The following NPAS3 variants were observed in gnomAD, a reference collection of about 807,000 sequenced individuals.
The protein encoded by NPAS3 is neuronal PAS domain-containing protein 3.
Under a neutral mutation model 73.1 loss-of-function variants are expected in NPAS3, and 14 were observed. The observed-to-expected ratio is 0.19, with a 90% CI of 0.13 to 0.30. The LOEUF is 0.30. Among genes scored for constraint, NPAS3 ranks in the 10% least tolerant of loss-of-function variants. The pLI is 1.00. For missense variants in NPAS3, 1,096 were observed against 1,250.0 expected (o/e 0.88, Z 1.86); for synonymous variants, 620 against 541.5 (o/e 1.14, Z -2.01).
chr14:33,373,890 G>T (rs752608281), intron 4 of NPAS3, among the ~76,000 whole-genome samples: 1 of 152,140 alleles, frequency 6.6e-6, no homozygotes, highest in African/African-American at 2.4e-5. Flanking sequence ...CTCTGACTGG[G>T]AGTGGATCAG....
chr14:33,063,156 AC>A (rs2138589672), intron 2 of NPAS3, among the ~76,000 whole-genome samples: 1 of 152,294 alleles, frequency 6.6e-6, no homozygotes, highest in African/African-American at 2.4e-5. Context: ...GCAAAACAAT[AC>A]CTCAGAGGTT....
chr14:33,114,251 G>A (rs939787417), intron 2 of NPAS3, among the ~76,000 whole-genome samples: 7 of 152,060 alleles, frequency 4.6e-5, no homozygotes, highest in African/African-American at 1.7e-4. Flanking sequence ...GGCCAGGTTG[G>A]TGTCAAACTC....
chr14:33,543,786 G>A (rs2054625326), intron 4 of NPAS3, among the ~76,000 whole-genome samples: 1 of 151,926 alleles, frequency 6.6e-6, no homozygotes, highest in African/African-American at 2.4e-5. Flanking sequence ...CAAACCTACA[G>A]GGGAGTGAGT....
intron 3 of NPAS3, among the ~76,000 whole-genome samples, chr14:33,299,790 G>C (rs1239925043): frequency 6.6e-6 from 1 of 151,878 alleles, no homozygotes; most frequent in Non-Finnish European, 1.5e-5. Context: ...ATAACATTAA[G>C]GTTTAGAAAA....
At chr14:33,244,138 T>TAAA (rs75629405) in intron 3 of NPAS3, among the ~76,000 whole-genome samples, 1 of 142,426 alleles carries the variant, frequency 7.0e-6, no homozygotes, top group Non-Finnish European at 1.5e-5. Flanking sequence ...CTACATTTGT[T>TAAA]AAAAAAAAAA....
Position 32,964,841 on chromosome 14 carries a change from G to T in NPAS3, c.50+25475G>T, listed in dbSNP as rs570781957. On this transcript the variant is annotated intron_variant, in intron 1 of 11. Coordinates refer to ENST00000356141, the Ensembl canonical transcript of NPAS3. ...AAAAAAAAAGAAGAAGATTAGCTCGGTGTGGTGGTGCTAAGCAACTAGGGA... is the reference window on the plus strand; with the variant it reads ...AAAAAAAAAGAAGAAGATTAGCTCGTTGTGGTGGTGCTAAGCAACTAGGGA... Among the ~76,000 whole-genome samples the T allele has an allele frequency of 4.6e-3, 707 of 152,056 alleles. 5 individuals are homozygous for T. Among genetic ancestry groups the T allele is most frequent in the Non-Finnish European group, 8.4e-3 (572 of 67,974 alleles).
At chr14:32,938,453 GAGAA>G (rs1439336034), upstream of NPAS3, among the ~76,000 whole-genome samples, 2 of 113,094 alleles carry the variant, frequency 1.8e-5, no homozygotes, top group Admixed American at 8.8e-5. Flanking sequence ...GTCCCCCAAC[GAGAA>G]AGAGAGAGAG....
chr14:33,473,149 G>A (rs140944457), intron 4 of NPAS3, among the ~76,000 whole-genome samples: 126 of 152,280 alleles, frequency 8.3e-4, no homozygotes, highest in African/African-American at 3.0e-3. Flanking sequence ...AAGGAGAACC[G>A]GGAGGTTGGC....
chr14:33,277,271 T>A (rs1399630526), intron 3 of NPAS3, among the ~76,000 whole-genome samples: 1 of 152,158 alleles, frequency 6.6e-6, no homozygotes, highest in African/African-American at 2.4e-5. Flanking sequence ...TACATGGGTG[T>A]TGACAAGCAA....
At chr14:33,613,909 C>A (rs2057833031) in intron 5 of NPAS3, among the ~76,000 whole-genome samples, 1 of 152,118 alleles carries the variant, frequency 6.6e-6, no homozygotes. Context: ...GGGTAATTAC[C>A]TGTGTGCTTC....
chr14:32,946,348 G>GCACACACACACA (rs3057257), intron 1 of NPAS3, among the ~76,000 whole-genome samples: 1,593 of 139,370 alleles, frequency 0.011, 10 homozygotes, highest in Non-Finnish European at 0.015. Context: ...ACACACACGC[G>GCACACACACACA]CACACACACA....
chr14:33,419,184 C>T (rs1170452907), intron 4 of NPAS3, among the ~76,000 whole-genome samples: 2 of 151,698 alleles, frequency 1.3e-5, no homozygotes, highest in African/African-American at 4.8e-5. Context: ...CATCAAGGAA[C>T]AGCATCTAGG....
chr14:33,014,631 A>T (rs1442607056), intron 1 of NPAS3, among the ~76,000 whole-genome samples: 1 of 152,196 alleles, frequency 6.6e-6, no homozygotes, highest in African/African-American at 2.4e-5. Flanking sequence ...TAGTAAATAA[A>T]TTTGTTGAAC....
intron 1 of NPAS3, among the ~76,000 whole-genome samples, chr14:32,942,949 A>G (rs1183571453): frequency 2.0e-5 from 3 of 152,232 alleles, no homozygotes; most frequent in Admixed American, 1.3e-4. Context: ...TGGGCATATC[A>G]TGATCCACCA....
At chr14:33,012,921 A>G (rs1398996660) in intron 1 of NPAS3, among the ~76,000 whole-genome samples, 1 of 152,198 alleles carries the variant, frequency 6.6e-6, no homozygotes, top group African/African-American at 2.4e-5. Context: ...TTCACTGTCC[A>G]GATTTGTTGA....
chr14:33,441,105 T>C (rs1362135494), intron 4 of NPAS3, among the ~76,000 whole-genome samples: 1 of 152,222 alleles, frequency 6.6e-6, no homozygotes, highest in South Asian at 2.1e-4. Flanking sequence ...GTAACTTCAA[T>C]GTGCACCAGA....
At chr14:33,645,539 AT>A (rs1425751785) in intron 5 of NPAS3, among the ~76,000 whole-genome samples, 1 of 152,220 alleles carries the variant, frequency 6.6e-6, no homozygotes, top group Non-Finnish European at 1.5e-5. Flanking sequence ...AAATAGACAG[AT>A]TAAGTATCTG....
At chr14:33,492,191 A>G (rs1022519410) in intron 4 of NPAS3, among the ~76,000 whole-genome samples, 1 of 152,178 alleles carries the variant, frequency 6.6e-6, no homozygotes, top group South Asian at 2.1e-4. Flanking sequence ...TTACGCTCAC[A>G]TATCGATGGA....
intron 10 of NPAS3, among the ~76,000 whole-genome samples, chr14:33,796,831 C>A (rs545812908): frequency 1.3e-5 from 2 of 152,182 alleles, no homozygotes; most frequent in Non-Finnish European, 2.9e-5. Flanking sequence ...GGGACTCTCC[C>A]CACTGCAATC....
Sources: allele counts gnomAD v4.1 joint callset (sites outside exome capture counted in the v4.1 genomes callset), GRCh38; gene constraint gnomAD v4.1.1; transcripts MANE v1.5; gene names NCBI Gene and HGNC (gene_info 2026-07-23, HGNC 2026-07-21).